The following REPS2 variants were observed in gnomAD, a reference collection of about 807,000 sequenced individuals.
REPS2 encodes the protein RALBP1 associated Eps domain containing 2, also known as ralBP1-associated Eps domain-containing protein 2.
In REPS2, 23 loss-of-function variants were observed where a neutral mutation model predicts 53.6. That is an observed-to-expected ratio of 0.43 (90% CI 0.31 to 0.61). The LOEUF (loss-of-function observed/expected upper bound fraction) is 0.61. REPS2 is among the 20% of genes least tolerant of loss of function. The pLI, the probability that REPS2 is intolerant of heterozygous loss-of-function variation, is 0.11. For missense variants in REPS2, 446 were observed against 534.9 expected (o/e 0.83, Z 1.64); for synonymous variants, 238 against 218.6 (o/e 1.09, Z -0.78).
the REPS2 span, among the ~76,000 whole-genome samples, chrX:17,158,625 A>G: frequency 4.4e-5 from 5 of 112,480 alleles, no homozygotes; most frequent in Non-Finnish European, 9.4e-5. Context: ...AGAACTTTTT[A>G]TCAGAATTCA....
intron 6 of REPS2, among the ~76,000 whole-genome samples, chrX:17,050,184 T>C (rs1304621863): frequency 7.0e-5 from 4 of 57,167 alleles, no homozygotes; most frequent in African/African-American, 3.1e-4. Context: ...CTTTCTTTCT[T>C]TCTTTCTTTC....
chrX:17,059,972 GAGTCTCCTTTTGATAGTTTCATCAAA>G (rs1555929566), intron 8 of REPS2, among the ~76,000 whole-genome samples: 2 of 93,455 alleles, frequency 2.1e-5, no homozygotes, highest in South Asian at 9.2e-4. Context: ...GTTTCATCAA[GAGTCTCCTTTTGATAGTTTCATCAAA>G]AGTCTCCTTT....
At chrX:17,139,166 C>A (rs1279330322) in intron 17 of REPS2, among the ~76,000 whole-genome samples, 1 of 112,048 alleles carries the variant, frequency 8.9e-6, no homozygotes, top group East Asian at 2.8e-4. Flanking sequence ...CTTGCCTCTT[C>A]GTTCTCAAAC....
chrX:17,088,644 A>G (rs1381180171), intron 13 of REPS2, among the ~76,000 whole-genome samples: 2 of 101,786 alleles, frequency 2.0e-5, no homozygotes, highest in African/African-American at 7.5e-5. Flanking sequence ...GCTGGAGTGC[A>G]GTGGCGTGGT....
chrX:17,184,243 T>C, the REPS2 span, among the ~76,000 whole-genome samples: 2 of 98,312 alleles, frequency 2.0e-5, no homozygotes. Context: ...GTGTTCTCAT[T>C]GTTCAATTCC....
At chrX:16,972,062 G>C (rs1450459481) in intron 1 of REPS2, among the ~76,000 whole-genome samples, 1 of 112,092 alleles carries the variant, frequency 8.9e-6, no homozygotes, top group Non-Finnish European at 1.9e-5. Context: ...GTTAGAAGGT[G>C]GGGGAGTGAG....
intron 1 of REPS2, among the ~76,000 whole-genome samples, chrX:16,988,039 G>A (rs1313691316): frequency 9.0e-6 from 1 of 111,151 alleles, no homozygotes. Context: ...TTTGAGAGGC[G>A]AGCTAGGAGG....
intron 13 of REPS2, among the ~76,000 whole-genome samples, chrX:17,079,445 T>C (rs954290920): frequency 8.9e-6 from 1 of 112,036 alleles, no homozygotes; most frequent in Non-Finnish European, 1.9e-5. Flanking sequence ...ATGTACTTTT[T>C]CTTGTTTTGC....
intron 6 of REPS2, among the ~76,000 whole-genome samples, chrX:17,048,669 A>G (rs2061939934): frequency 8.9e-6 from 1 of 111,805 alleles, no homozygotes; most frequent in Admixed American, 9.5e-5. Flanking sequence ...CCATAACAGT[A>G]TCACGGAGCT....
intron 1 of REPS2, among the ~76,000 whole-genome samples, chrX:16,964,907 T>C (rs772019439): frequency 6.4e-4 from 16 of 25,026 alleles, no homozygotes; most frequent in African/African-American, 7.4e-4. Flanking sequence ...GCTGGCCAGG[T>C]GGGGGGCTGA....
intron 13 of REPS2, among the ~76,000 whole-genome samples, chrX:17,086,119 A>G (rs954800940): frequency 1.2e-4 from 13 of 111,159 alleles, no homozygotes; most frequent in Non-Finnish European, 3.8e-5. Flanking sequence ...AAAGTCATCT[A>G]CCTTGTAGAC....
intron 1 of REPS2, among the ~76,000 whole-genome samples, chrX:16,976,423 TG>T (rs2060955721): frequency 9.0e-6 from 1 of 110,773 alleles, no homozygotes; most frequent in Non-Finnish European, 1.9e-5. Flanking sequence ...GAGTTTAAAT[TG>T]TTTCTTATGT....
chrX:17,179,166 A>G, the REPS2 span, among the ~76,000 whole-genome samples: 14 of 112,033 alleles, frequency 1.2e-4, no homozygotes, highest in African/African-American at 3.6e-4. Context: ...AGTAGCTTCT[A>G]TCTTACATGT....
intron 14 of REPS2, among the ~76,000 whole-genome samples, chrX:17,127,047 A>G (rs1371496592): frequency 9.0e-6 from 1 of 111,553 alleles, no homozygotes; most frequent in Non-Finnish European, 1.9e-5. Context: ...GCTTTAAACT[A>G]CTTTATCTCT....
chrX:17,175,134 G>A, the REPS2 span, among the ~76,000 whole-genome samples: 6 of 112,794 alleles, frequency 5.3e-5, no homozygotes, highest in South Asian at 3.6e-4. Flanking sequence ...TTTCTCCTAC[G>A]CTTGAGAAAT....
At chrX:17,029,469 A>G (rs2061682381) in intron 4 of REPS2, 57 bp from the exon 5 acceptor site, 5 of 848,312 alleles carry the variant, frequency 5.9e-6, no homozygotes, top group Admixed American at 4.8e-5. Context: ...ATGTGAAGTC[A>G]TAATTTTTGA....
intron 7 of REPS2, among the ~76,000 whole-genome samples, chrX:17,052,741 A>G (rs1343411999): frequency 8.9e-6 from 1 of 112,334 alleles, no homozygotes; most frequent in Non-Finnish European, 1.9e-5. Flanking sequence ...GGCACATGAG[A>G]CTTACCATCC....
intron 14 of REPS2, among the ~76,000 whole-genome samples, chrX:17,114,437 G>GTGCC (rs898856681): frequency 8.9e-6 from 1 of 112,130 alleles, no homozygotes; most frequent in Admixed American, 9.5e-5. Flanking sequence ...TAAATGTCAA[G>GTGCC]TGCCTACTGT....
intron 1 of REPS2, among the ~76,000 whole-genome samples, chrX:16,970,833 ACTT>A (rs1310648234): frequency 8.9e-6 from 1 of 112,343 alleles, no homozygotes; most frequent in Non-Finnish European, 1.9e-5. Flanking sequence ...ACGTATCAGC[ACTT>A]CTTATTGCCA....
Sources: gnomAD v4.1 joint callset for allele counts (sites outside exome capture counted in the v4.1 genomes callset) on GRCh38, gnomAD v4.1.1 for gene constraint, MANE v1.5 for transcripts, NCBI Gene and HGNC (gene_info 2026-07-23, HGNC 2026-07-21) for gene names.